The following C1orf21 variants were observed in gnomAD, a reference collection of about 807,000 sequenced individuals.
The protein encoded by C1orf21 is uncharacterized protein C1orf21.
Under a neutral mutation model 18.7 loss-of-function variants are expected in C1orf21, and 3 were observed. The observed-to-expected ratio is 0.16, with a 90% CI of 0.07 to 0.42. The LOEUF (loss-of-function observed/expected upper bound fraction) is 0.42. C1orf21 is among the 10% of genes least tolerant of loss of function. The pLI is 0.99. For missense variants in C1orf21, 104 were observed against 143.6 expected, an observed-to-expected ratio of 0.72 and a Z score of 1.41; for synonymous variants, 41 against 46.4, an observed-to-expected ratio of 0.88 and a Z score of 0.47.
intron 1 of C1orf21, among the ~76,000 whole-genome samples, chr1:184,465,688 C>T (rs932462359): frequency 1.3e-5 from 2 of 152,200 alleles, no homozygotes; most frequent in Admixed American, 6.5e-5. Context: ...CACAGCTGGG[C>T]CACCCAATGG....
intron 1 of C1orf21, among the ~76,000 whole-genome samples, chr1:184,452,942 G>A (rs963377863): frequency 5.9e-5 from 9 of 152,096 alleles, no homozygotes; most frequent in Non-Finnish European, 1.0e-4. Flanking sequence ...GGTATCATGA[G>A]GAGAAAACTT....
chr1:184,568,959 T>C (rs1360858300), intron 3 of C1orf21, among the ~76,000 whole-genome samples: 1 of 152,246 alleles, frequency 6.6e-6, no homozygotes, highest in East Asian at 1.9e-4. Flanking sequence ...ACCTACTATA[T>C]ACAAAGATGG....
chr1:184,567,319 A>G, intron 3 of C1orf21: 1 of 468,636 alleles, frequency 2.1e-6, no homozygotes, highest in Non-Finnish European at 4.3e-6. Context: ...ACTTGACTTC[A>G]CCTGACTTCC....
At chr1:184,567,569 G>A (rs1659052040) in intron 3 of C1orf21, 2 of 487,714 alleles carry the variant, frequency 4.1e-6, no homozygotes, top group Admixed American at 2.1e-5. Flanking sequence ...CCTCCCTCTG[G>A]ATCAGCTACA....
chr1:184,591,760 G>A (rs890777770), intron 4 of C1orf21, among the ~76,000 whole-genome samples: 1 of 151,650 alleles, frequency 6.6e-6, no homozygotes, highest in African/African-American at 2.4e-5. Context: ...GAGCAGAGAT[G>A]GCGCCACTGC....
chr1:184,619,065 T>C (rs1010887152), intron 5 of C1orf21, among the ~76,000 whole-genome samples: 2 of 152,254 alleles, frequency 1.3e-5, no homozygotes, highest in East Asian at 3.8e-4. Context: ...TTGTTGTTTT[T>C]TGTAATCCGT....
At chr1:184,578,795 A>C (rs1659231018) in intron 3 of C1orf21, among the ~76,000 whole-genome samples, 1 of 152,182 alleles carries the variant, frequency 6.6e-6, no homozygotes, top group African/African-American at 2.4e-5. Context: ...TATGGTAGTT[A>C]TTAAGGCTAT....
chr1:184,584,944 A>T (rs1659331602), intron 3 of C1orf21, among the ~76,000 whole-genome samples: 1 of 152,182 alleles, frequency 6.6e-6, no homozygotes, highest in Non-Finnish European at 1.5e-5. Flanking sequence ...AGTGGTGATA[A>T]AGAAACTTTC....
chr1:184,429,699 A>G (rs991835092), intron 1 of C1orf21, among the ~76,000 whole-genome samples: 2 of 152,218 alleles, frequency 1.3e-5, no homozygotes, highest in South Asian at 4.1e-4. Context: ...TTTGCCAGGT[A>G]ATATACAGTA....
At chr1:184,569,474 G>A (rs1659079778) in intron 3 of C1orf21, among the ~76,000 whole-genome samples, 1 of 152,280 alleles carries the variant, frequency 6.6e-6, no homozygotes, top group Non-Finnish European at 1.5e-5. Context: ...GTTAAATGAG[G>A]AAATGCTCAT....
intron 3 of C1orf21, among the ~76,000 whole-genome samples, chr1:184,542,285 T>C (rs932194698): frequency 2.0e-5 from 3 of 152,202 alleles, no homozygotes; most frequent in Admixed American, 2.0e-4. Context: ...CTAAGCACTT[T>C]ACATGTCTTA....
rs1366383846 is a variant in C1orf21, at chr1:184,591,997, AACAG to A, written c.266+1188_266+1191del. Among the ~76,000 whole-genome samples the A allele has an allele frequency of 1.4e-4, 21 of 152,238 alleles. No individual in the cohort carries two copies. In the South Asian group the frequency reaches 2.9e-3, roughly 21 times the overall value. On this transcript the variant is annotated intron_variant, in intron 4 of 5. Coordinates refer to ENST00000235307, the MANE Select transcript of C1orf21 (RefSeq NM_030806.4). ...TGGTTTCATTCATATGAAGTCAAAA[AACAG>A]ACAGAACTAAGGCATATGTTGTCTG...
intron 5 of C1orf21, among the ~76,000 whole-genome samples, chr1:184,618,864 TC>T (rs1485867936): frequency 6.6e-6 from 1 of 152,150 alleles, no homozygotes; most frequent in African/African-American, 2.4e-5. Flanking sequence ...CCAGCCCCAA[TC>T]ATGTCTTCAT....
At chr1:184,388,927 T>C (rs565740756) in intron 1 of C1orf21, among the ~76,000 whole-genome samples, 1 of 152,236 alleles carries the variant, frequency 6.6e-6, no homozygotes, top group Non-Finnish European at 1.5e-5. Context: ...TAGAGCTGGA[T>C]TGTAGGATCA....
At chr1:184,581,018 T>G (rs892406268) in intron 3 of C1orf21, among the ~76,000 whole-genome samples, 28 of 152,192 alleles carry the variant, frequency 1.8e-4, no homozygotes, top group African/African-American at 6.5e-4. Flanking sequence ...CAGCCATGGT[T>G]ATTATAAAAC....
intron 1 of C1orf21, among the ~76,000 whole-genome samples, chr1:184,390,401 G>A (rs1655953659): frequency 6.6e-6 from 1 of 152,176 alleles, no homozygotes; most frequent in Non-Finnish European, 1.5e-5. Flanking sequence ...TCAGGAGTGA[G>A]GGTATGGCAG....
intron 1 of C1orf21, among the ~76,000 whole-genome samples, chr1:184,440,246 GTTTA>G (rs1176502006): frequency 1.3e-5 from 2 of 152,004 alleles, no homozygotes; most frequent in African/African-American, 2.4e-5. Context: ...TTATGTATTT[GTTTA>G]TTTATTTTTT....
chr1:184,460,048 C>A (rs1248768859), intron 1 of C1orf21, among the ~76,000 whole-genome samples: 1 of 152,208 alleles, frequency 6.6e-6, no homozygotes, highest in Non-Finnish European at 1.5e-5. Flanking sequence ...CACACACGGG[C>A]TCCTTCCACA....
At chr1:184,466,782 C>A (rs746361313) in intron 1 of C1orf21, among the ~76,000 whole-genome samples, 1 of 151,578 alleles carries the variant, frequency 6.6e-6, no homozygotes, top group African/African-American at 2.4e-5. Flanking sequence ...AGTAAATATC[C>A]CTGGATTCTA....
Sources: gnomAD v4.1 joint callset for allele counts (sites outside exome capture counted in the v4.1 genomes callset) on GRCh38, gnomAD v4.1.1 for gene constraint, MANE v1.5 for transcripts, NCBI Gene and HGNC (gene_info 2026-07-23, HGNC 2026-07-21) for gene names.